Variants in DHX30 observed in about 807,000 individuals in gnomAD.
DHX30 encodes ATP-dependent RNA helicase DHX30.
In DHX30, 4 loss-of-function variants were observed where a neutral mutation model predicts 116.9. The ratio of observed to expected loss-of-function variants is 0.03; its 90% CI spans 0.02 to 0.08. DHX30 has a LOEUF of 0.08. Among genes scored for constraint, DHX30 ranks in the 10% least tolerant of loss-of-function variants. The pLI, the probability that DHX30 is intolerant of heterozygous loss-of-function variation, is 1.00. For missense variants in DHX30, 871 were observed against 1,595.1 expected (o/e 0.55, Z 7.73); for synonymous variants, 697 against 651.7 (o/e 1.07, Z -1.06).
At chr3:47,810,774 G>T in intron 3 of DHX30, 63 bp downstream of exon 3, 1 of 1,528,342 alleles carries the variant, frequency 6.5e-7, no homozygotes, top group Non-Finnish European at 9.1e-7. Context: ...AGCTCTGAGG[G>T]CTGTGAAAGT....
chr3:47,842,011 G>A (rs2037397165), intron 8 of DHX30: 1 of 411,222 alleles, frequency 2.4e-6, no homozygotes, highest in Admixed American at 4.0e-5. Flanking sequence ...GGTTAGAGGT[G>A]TGGGTCTTGG....
chr3:47,803,448 G>A (rs1250037224), intron 1 of DHX30, among the ~76,000 whole-genome samples: 1 of 152,156 alleles, frequency 6.6e-6, no homozygotes, highest in Non-Finnish European at 1.5e-5. Flanking sequence ...CCCGGGCGGG[G>A]GCGGGGGCCA....
At chr3:47,818,344 C>T (rs1207151123) in intron 4 of DHX30, among the ~76,000 whole-genome samples, 1 of 152,188 alleles carries the variant, frequency 6.6e-6, no homozygotes, top group East Asian at 1.9e-4. Flanking sequence ...CTTGGGCCTC[C>T]TTGTGTGGCC....
intron 4 of DHX30, among the ~76,000 whole-genome samples, chr3:47,823,642 A>T (rs1024279633): frequency 1.2e-4 from 19 of 152,038 alleles, no homozygotes; most frequent in Non-Finnish European, 2.5e-4. Flanking sequence ...GATTACAGGC[A>T]TGAGCCACTG....
At chr3:47,825,179 A>T in intron 4 of DHX30, 1 of 662,796 alleles carries the variant, frequency 1.5e-6, no homozygotes, top group Non-Finnish European at 2.7e-6. Flanking sequence ...CACACCAAGG[A>T]AGCCGCCGAG....
At chr3:47,814,429 CAAAAA>C (rs71625837) in intron 3 of DHX30, among the ~76,000 whole-genome samples, 1 of 92,626 alleles carries the variant, frequency 1.1e-5, no homozygotes, top group Non-Finnish European at 2.0e-5. Flanking sequence ...TGTCTCAAAA[CAAAAA>C]AAAAAAAAAA....
chr3:47,805,130 G>A (rs965322930), intron 1 of DHX30, among the ~76,000 whole-genome samples, 196 bp from the exon 2 acceptor site: 3 of 152,194 alleles, frequency 2.0e-5, no homozygotes, highest in Non-Finnish European at 4.4e-5. Context: ...TACAGGTGCT[G>A]GTGTAGGACA....
chr3:47,810,535 A>T, intron 2 of DHX30, 122 bp from the exon 3 acceptor site: 1 of 747,334 alleles, frequency 1.3e-6, no homozygotes, highest in Non-Finnish European at 2.3e-6. Flanking sequence ...GTTGGGGCTC[A>T]TTAGTGAAGA....
At chr3:47,840,552 C>T (rs1174394516) in intron 6 of DHX30, among the ~76,000 whole-genome samples, 1 of 151,938 alleles carries the variant, frequency 6.6e-6, no homozygotes, top group African/African-American at 2.4e-5. Flanking sequence ...GGGAGGGTCA[C>T]CTGAGCCCAG....
At position 47,847,937 on chromosome 3, in the gene DHX30, G is replaced by A. The variant is rs1576520778; in HGVS notation, c.2267G>A (p.Arg756His). Reference sequence around the variant, plus strand: ...GACAGTGGGCTGCACAAGGAAGAACGCTATGACCTGAAGACCAAGGTGGCA... The same window carrying A: ...GACAGTGGGCTGCACAAGGAAGAACACTATGACCTGAAGACCAAGGTGGCA... ...VVDSGLHKEE[R>H]YDLKTKVSCL... The change falls in exon 14 of 22, where the codon CGC becomes CAC. Residue 756 changes from arginine (R) to histidine (H), a missense_variant. By Grantham distance (29) the Arg-to-His change is conservative. Around this residue, in one of 13 missense-constraint regions of DHX30, gnomAD observed 20 missense variants for 82.2 expected, o/e 0.24. Coordinates refer to ENST00000445061, the MANE Select transcript of DHX30 (RefSeq NM_138615.3). This position sits in a 1 kb window ranked among gnomAD's most constrained non-coding sequence, Gnocchi z 5.5. 19 of 1,613,974 alleles carry A rather than the reference G, an allele frequency of 1.2e-5. No individual in the cohort carries two copies. The highest frequency in any genetic ancestry group is 1.4e-5 in the Non-Finnish European group (17 of 1,179,850).
intron 8 of DHX30, 122 bp from the exon 9 acceptor site, chr3:47,842,984 C>T (rs1293647022): frequency 3.9e-6 from 5 of 1,268,268 alleles, no homozygotes; most frequent in Non-Finnish European, 5.5e-6. Context: ...GCATGGCTCA[C>T]GCCTGGCACC....
intron 3 of DHX30, among the ~76,000 whole-genome samples, chr3:47,815,723 CAAAAAAAAAAAAAAA>C (rs11349970): frequency 2.4e-4 from 5 of 20,756 alleles, no homozygotes; most frequent in Non-Finnish European, 3.2e-4. Context: ...TAAAAAAGAG[CAAAAAAAAAAAAAAA>C]AAAAAAAAAA....
At chr3:47,819,218 G>A in intron 4 of DHX30, 2 of 1,366,814 alleles carry the variant, frequency 1.5e-6, no homozygotes, top group East Asian at 4.6e-5. Context: ...TTCTTAAAAT[G>A]CCCTGTAACT....
chr3:47,829,186 GC>G, intron 6 of DHX30, 52 bp downstream of exon 6: 1 of 1,046,092 alleles, frequency 9.6e-7, no homozygotes. Flanking sequence ...GAAACTCCTT[GC>G]CCTTTGTTTT....
chr3:47,820,421 G>A (rs182040662), intron 4 of DHX30, among the ~76,000 whole-genome samples: 20 of 152,240 alleles, frequency 1.3e-4, no homozygotes, highest in Middle Eastern at 3.4e-3. Flanking sequence ...CCTCTTACCC[G>A]TCTCCTTGCC....
At chr3:47,849,606 C>T (rs1314486180) in intron 20 of DHX30, 24 bp from the exon 21 acceptor site, 6 of 1,614,016 alleles carry the variant, frequency 3.7e-6, no homozygotes, top group Non-Finnish European at 5.1e-6. Flanking sequence ...AAAAGGGTGG[C>T]CTCACCAGCC....
chr3:47,811,675 C>G (rs2035795173), intron 3 of DHX30, among the ~76,000 whole-genome samples: 1 of 152,134 alleles, frequency 6.6e-6, no homozygotes, highest in African/African-American at 2.4e-5. Context: ...ACTCAGGGAG[C>G]TTTCACTCAG....
chr3:47,837,825 AG>A (rs1376552431), intron 6 of DHX30, among the ~76,000 whole-genome samples: 1 of 152,102 alleles, frequency 6.6e-6, no homozygotes, highest in African/African-American at 2.4e-5. Context: ...ACAGTTGAGG[AG>A]GTGGGAGGGA....
Position 47,848,392 on chromosome 3 carries a change from G to T in DHX30, c.2493+6G>T. The T allele has an allele frequency of 6.2e-7, 1 of 1,613,992 alleles. No homozygotes were observed. The highest frequency in any genetic ancestry group is 8.5e-7 in the Non-Finnish European group (1 of 1,179,994). ...TCCACATGCCTGAGAAGACGGTGCGGCGGGGCGGGGCAGGGGCTGGCCTGG... is the reference window on the plus strand; with the variant it reads ...TCCACATGCCTGAGAAGACGGTGCGTCGGGGCGGGGCAGGGGCTGGCCTGG... On this transcript the variant is annotated splice_donor_region_variant and intron_variant, in intron 15 of 21. Transcript: ENST00000445061. This position sits in a 1 kb window ranked among gnomAD's most constrained non-coding sequence, Gnocchi z 9.4.
Sources: allele counts gnomAD v4.1 joint callset (sites outside exome capture counted in the v4.1 genomes callset), GRCh38; gene constraint gnomAD v4.1.1; regional missense constraint gnomAD v4.1.1; non-coding constraint Gnocchi (gnomAD v3.1); transcripts MANE v1.5; gene names NCBI Gene and HGNC (gene_info 2026-07-23, HGNC 2026-07-21).